KCNG4: variants seen among roughly 807,000 people sequenced by gnomAD.
KCNG4 encodes the protein voltage-gated potassium channel regulatory subunit KCNG4.
KCNG4 carries 30 observed loss-of-function variants against 28.2 expected under a neutral mutation model. That is an observed-to-expected ratio of 1.06 (90% CI 0.80 to 1.44). The LOEUF (loss-of-function observed/expected upper bound fraction) is 1.44. Among genes scored for constraint, KCNG4 ranks in the 40% most tolerant of loss-of-function variants. KCNG4 has a pLI of 0.00. For missense variants in KCNG4, 879 were observed against 712.3 expected (o/e 1.23, Z -2.66); for synonymous variants, 375 against 315.5 (o/e 1.19, Z -2.00).
chr16:84,229,197 C>T (rs902808888), intron 2 of KCNG4, among the ~76,000 whole-genome samples: 3 of 151,700 alleles, frequency 2.0e-5, no homozygotes, highest in Non-Finnish European at 4.4e-5. Flanking sequence ...ACTCGGGAGG[C>T]TGAGGCATGA....
chr16:84,219,134 T>G lies in KCNG4; in HGVS notation c.*3083A>C, dbSNP rs577045570. The G allele has an allele frequency of 6.6e-6, 1 of 152,242 alleles. No homozygotes were observed. Among genetic ancestry groups the G allele is most frequent in the Non-Finnish European group, 1.5e-5 (1 of 68,076 alleles). The allele number at this position is 152,242 out of a possible 1,614,324, so 9.4% of individuals were successfully genotyped here. ...GAGAGGAGACTGGGGATTTGCACATTCTTTTCAGTGTCATTAATTGCAAAT... is the reference window on the plus strand; with the variant it reads ...GAGAGGAGACTGGGGATTTGCACATGCTTTTCAGTGTCATTAATTGCAAAT... On this transcript the variant is annotated 3_prime_UTR_variant, in exon 3 of 3. Coordinates refer to ENST00000308251, the MANE Select transcript of KCNG4 (RefSeq NM_172347.3).
At chr16:84,235,824 TC>T (rs938728920) in intron 2 of KCNG4, 2 of 152,202 alleles carry the variant, frequency 1.3e-5, no homozygotes, top group African/African-American at 4.8e-5. Flanking sequence ...CTGGGGGAGC[TC>T]GGTGCTGGAG....
intron 1 of KCNG4, among the ~76,000 whole-genome samples, 165 bp downstream of exon 1, chr16:84,239,505 C>G (rs1461008748): frequency 6.6e-6 from 1 of 152,210 alleles, no homozygotes; most frequent in East Asian, 1.9e-4. Context: ...CCAATTTTGC[C>G]ATCTACGGCT....
chr16:84,229,882 A>G (rs1478432044), intron 2 of KCNG4, among the ~76,000 whole-genome samples: 1 of 152,248 alleles, frequency 6.6e-6, no homozygotes, highest in Non-Finnish European at 1.5e-5. Context: ...AGCATTCGCT[A>G]GAGCAATTAC....
At position 84,218,706 on chromosome 16, in the gene KCNG4, C is replaced by T. The variant is rs1904487379; in HGVS notation, c.*3511G>A. ...AAATAGAGCGTTTAATTAAGCCCCA[C>T]ATGCGAGCAATCAATTCCAATTTTC... On this transcript the variant is annotated 3_prime_UTR_variant, in exon 3 of 3. Transcript: ENST00000308251. 1.3e-5 allele frequency: 2 copies of T among 152,258 alleles called. No individual in the cohort carries two copies. The highest frequency in any genetic ancestry group is 2.9e-5 in the Non-Finnish European group (2 of 68,042). The allele number at this position is 152,258 out of a possible 1,614,324, so 9.4% of individuals were successfully genotyped here. A position where few individuals can be genotyped will look rare whatever the true frequency, so the allele number is the denominator to read the frequency against.
chr16:84,233,285 C>T (rs1167863658), intron 2 of KCNG4, among the ~76,000 whole-genome samples: 2 of 152,180 alleles, frequency 1.3e-5, no homozygotes, highest in African/African-American at 2.4e-5. Flanking sequence ...AAGATTGAAA[C>T]CCAGGACATC....
At position 84,237,599 on chromosome 16, in the gene KCNG4, G is replaced by A. The variant is rs1416199687; in HGVS notation, c.-40-74C>T. The A allele has an allele frequency of 5.9e-6, 6 of 1,015,550 alleles. No individual in the cohort carries two copies. In the African/African-American group the frequency reaches 6.5e-5, roughly 11 times the overall value. The allele number at this position is 1,015,550 out of a possible 1,614,324, so 62.9% of individuals were successfully genotyped here. A position where few individuals can be genotyped will look rare whatever the true frequency, so the allele number is the denominator to read the frequency against. On this transcript the variant is annotated intron_variant, in intron 1 of 2. Coordinates refer to ENST00000308251, the MANE Select transcript of KCNG4 (RefSeq NM_172347.3). ...TGGGGCAAAGAGTCCTGGATGTCAC[G>A]ACTGCAGATGTTCTTACGTGTGCTT...
Position 84,222,139 on chromosome 16 carries a change from T to C in KCNG4, c.*78A>G, listed in dbSNP as rs1376836285. ...GGGCTCTAGAAACACCACCAGGTGG[T>C]CTATGCGGGGTACCCTTGAGTGTGT... On this transcript the variant is annotated 3_prime_UTR_variant, in exon 3 of 3. Transcript: ENST00000308251. 10 of 1,428,638 alleles carry C rather than the reference T, an allele frequency of 7.0e-6. No homozygotes were observed. The highest frequency in any genetic ancestry group is 5.8e-6 in the Non-Finnish European group (6 of 1,028,178). The allele number at this position is 1,428,638 out of a possible 1,614,324, so 88.5% of individuals were successfully genotyped here.
At position 84,226,795 on chromosome 16, in the gene KCNG4, C is replaced by G. The variant is rs1904708286; in HGVS notation, c.757-3775G>C. On this transcript the variant is annotated intron_variant, in intron 2 of 2. Coordinates refer to ENST00000308251, the MANE Select transcript of KCNG4 (RefSeq NM_172347.3). The surrounding 1 kb of genome is among the most constrained non-coding windows in gnomAD (Gnocchi z 4.1). ...TTGGCGGGCTGAGGCAGGAGAATGG[C>G]TTGGACCTGGTAGGCGGAGGTTGCA... Among the ~76,000 whole-genome samples, 2 of 149,560 alleles carry G rather than the reference C, an allele frequency of 1.3e-5. No individual in the cohort carries two copies. Among genetic ancestry groups the G allele is most frequent in the Admixed American group, 6.7e-5 (1 of 14,948 alleles).
rs1222214686 is a variant in KCNG4 at position 84,219,142 on chromosome 16, G to C, written c.*3075C>G. 3.3e-5 allele frequency: 5 copies of C among 152,260 alleles called. No homozygotes were observed. 9.4% of individuals were successfully genotyped at this position (152,260 alleles called of 1,614,324 possible). Reference sequence around the variant, plus strand: ...ACTGGGGATTTGCACATTCTTTTCAGTGTCATTAATTGCAAATGTTTTGCC... The same window carrying C: ...ACTGGGGATTTGCACATTCTTTTCACTGTCATTAATTGCAAATGTTTTGCC... On this transcript the variant is annotated 3_prime_UTR_variant, in exon 3 of 3. Coordinates refer to ENST00000308251, the MANE Select transcript of KCNG4 (RefSeq NM_172347.3).
At chr16:84,237,775 A>G (rs533973107) in intron 1 of KCNG4, among the ~76,000 whole-genome samples, 1 of 152,306 alleles carries the variant, frequency 6.6e-6, no homozygotes, top group African/African-American at 2.4e-5. Flanking sequence ...TCTCCAGAAT[A>G]GACGTTGCAC....
chr16:84,222,239 G>C lies in KCNG4; in HGVS notation c.1538C>G (p.Ala513Gly), dbSNP rs1245886294. The change falls in exon 3 of 3, where the codon GCC (alanine) becomes GGC (glycine). Residue 513 changes from alanine to glycine, a missense_variant. Transcript: ENST00000308251. ...DVNDLILEGP[A>G]LPIMHM ...GAGTTACATGTGCATGATAGGCAAG[G>C]CTGGGCCCTCCAGGATTAGGTCATT... 2 of 1,614,028 alleles carry C rather than the reference G, an allele frequency of 1.2e-6. No individual in the cohort carries two copies. The highest frequency in any genetic ancestry group is 8.5e-7 in the Non-Finnish European group (1 of 1,180,038).
chr16:84,237,338 G>C lies in KCNG4; in HGVS notation c.148C>G (p.Leu50Val). The C allele has an allele frequency of 1.9e-6, 3 of 1,577,206 alleles. No homozygotes were observed. Among genetic ancestry groups the C allele is most frequent in the Non-Finnish European group, 2.6e-6 (3 of 1,161,628 alleles). ...TTCAGGTCCACTGGGGAGGCGTCCA[G>C]GGCACCCACCTTCCGCACCCTCCGG... ...YYRRVRKVGA[L>V]DASPVDLKKE... The change falls in exon 2 of 3, where the codon CTG becomes GTG. Residue 50 changes from leucine (L) to valine (V), a missense_variant. Physicochemically the swap from Leu to Val is conservative, Grantham distance 32. Coordinates refer to ENST00000308251, the MANE Select transcript of KCNG4 (RefSeq NM_172347.3).
At chr16:84,224,056 A>G (rs1219513197) in intron 2 of KCNG4, among the ~76,000 whole-genome samples, 3 of 152,154 alleles carry the variant, frequency 2.0e-5, no homozygotes, top group Admixed American at 6.5e-5. Context: ...CTGCCACTCA[A>G]AGTGTGGACC....
chr16:84,237,274 A>C lies in KCNG4; in HGVS notation c.212T>G (p.Leu71Arg), dbSNP rs774802003. 1.9e-6 allele frequency: 3 copies of C among 1,610,908 alleles called. No individual in the cohort carries two copies. In the East Asian group the frequency reaches 6.7e-5, roughly 36 times the overall value. The change falls in exon 2 of 3, where the codon CTC becomes CGC. Residue 71 changes from leucine (L) to arginine (R), a missense_variant. By Grantham distance (102) the Leu-to-Arg change is moderately radical. Transcript: ENST00000308251. ...CCGGTCCAGTGTGCTCCAGGGGAGG[A>C]GATACCTCCTGCCCCCCACGTTGAT... ...ILINVGGRRY[L>R]LPWSTLDRFP...
chr16:84,237,413 G>A lies in KCNG4; in HGVS notation c.73C>T (p.Gln25Ter), dbSNP rs1438014360. 1 of 1,520,110 alleles carries A rather than the reference G, an allele frequency of 6.6e-7. No homozygotes were observed. Among genetic ancestry groups the A allele is most frequent in the South Asian group, 1.3e-5 (1 of 75,066 alleles). The allele number at this position is 1,520,110 out of a possible 1,614,324, so 94.2% of individuals were successfully genotyped here. The change falls in exon 2 of 3, where the codon CAG becomes TAG. Residue 25 changes from glutamine to a stop codon, truncating the protein, a stop_gained. Coordinates refer to ENST00000308251, the MANE Select transcript of KCNG4 (RefSeq NM_172347.3). LOFTEE classifies it high-confidence loss of function. ...GTCTCCATGGGGCTGGACAGGAGCT[G>A]ACTCCAAGGGCTGTGGGAACCATAG... ...HHYGSHSPWS[Q>*]LLSSPMETPS... is the part of the protein sequence containing the mutation.
chr16:84,228,853 G>A (rs892263262), intron 2 of KCNG4, among the ~76,000 whole-genome samples: 4 of 152,224 alleles, frequency 2.6e-5, no homozygotes, highest in Admixed American at 6.5e-5. Context: ...CCAAATCTAC[G>A]CTGCTTCTCT....
intron 2 of KCNG4, 31 bp from the exon 3 acceptor site, chr16:84,223,051 A>G (rs1337450379): frequency 1.6e-5 from 24 of 1,493,562 alleles, no homozygotes; most frequent in Non-Finnish European, 2.0e-5. Context: ...AACGCGGGGT[A>G]GAGAGTGGAC....
At chr16:84,237,916 T>C (rs540563601) in intron 1 of KCNG4, among the ~76,000 whole-genome samples, 2 of 152,282 alleles carry the variant, frequency 1.3e-5, no homozygotes, top group African/African-American at 2.4e-5. Context: ...ACAAGACTCA[T>C]ACTAATCTTG....
Sources: gnomAD v4.1 joint callset for allele counts (sites outside exome capture counted in the v4.1 genomes callset) on GRCh38, gnomAD v4.1.1 for gene constraint, Gnocchi (gnomAD v3.1) non-coding constraint, MANE v1.5 for transcripts, NCBI Gene and HGNC (gene_info 2026-07-23, HGNC 2026-07-21) for gene names.